CCDC66: variants seen among roughly 807,000 people sequenced by gnomAD.
The protein encoded by CCDC66 is coiled-coil domain-containing protein 66.
CCDC66 carries 133 observed loss-of-function variants against 128.3 expected under a neutral mutation model. The observed-to-expected ratio is 1.04, with a 90% confidence interval of 0.90 to 1.20. The LOEUF is 1.20. Ranked by LOEUF, CCDC66 falls within the 50% of genes most tolerant of loss-of-function variation. The pLI is 0.00. For missense variants in CCDC66, 1,126 were observed against 1,075.5 expected, an observed-to-expected ratio of 1.05 and a Z score of -0.66; for synonymous variants, 387 against 357.0, an observed-to-expected ratio of 1.08 and a Z score of -0.95.
Position 56,617,421 on chromosome 3 carries a change from AG to A in CCDC66, c.2154del (p.Lys718AsnfsTer15). 2 of 1,614,106 alleles carry A rather than the reference AG, an allele frequency of 1.2e-6. No homozygotes were observed. Among genetic ancestry groups the A allele is most frequent in the Non-Finnish European group, 1.7e-6 (2 of 1,179,998 alleles). On this transcript the variant is annotated frameshift_variant, in exon 14 of 18. Coordinates refer to ENST00000394672, the MANE Select transcript of CCDC66 (RefSeq NM_001141947.3). LOFTEE classifies it high-confidence loss of function. Reference protein sequence around the residue: ...PPKRYIPASEKYPKQLQKQRE... With the variant: ...PPKRYIPASEXYPKQLQKQRE... ...AAAAGGTATATTCCAGCATCAGAAAAGTACCCTAAACAGCTTCAAAAGCAGA... is the reference window on the plus strand; with the variant it reads ...AAAAGGTATATTCCAGCATCAGAAAATACCCTAAACAGCTTCAAAAGCAGA...
chr3:56,579,699 T>C lies in CCDC66; in HGVS notation c.936+8397T>C, dbSNP rs1243880488. Among the ~76,000 whole-genome samples the C allele has an allele frequency of 2.0e-5, 3 of 151,906 alleles. 1 individual carries two copies. In the Admixed American group the frequency reaches 2.0e-4, roughly 10 times the overall value. On this transcript the variant is annotated intron_variant, in intron 7 of 17. Coordinates refer to ENST00000394672, the MANE Select transcript of CCDC66 (RefSeq NM_001141947.3). ...GTCATTCAGGAGCAGGTTGATCAGT[T>C]TCCATGTAGTTGAGTGGTTTTGAGT...
Position 56,581,817 on chromosome 3 carries a change from C to A in CCDC66, c.936+10515C>A, listed in dbSNP as rs142619860. Among the ~76,000 whole-genome samples, 134 of 151,858 alleles carry A rather than the reference C, an allele frequency of 8.8e-4. 2 individuals are homozygous for A. Among genetic ancestry groups the A allele is most frequent in the African/African-American group, 3.2e-3 (131 of 41,496 alleles). ...GCACCCAGCTTTATGAGGTGACAGT[C>A]GGCCCCTACTGGGAGGTGTCTCCCA... On this transcript the variant is annotated intron_variant, in intron 7 of 17. Transcript: ENST00000394672.
intron 7 of CCDC66, among the ~76,000 whole-genome samples, chr3:56,589,256 A>C (rs1207221805): frequency 6.6e-6 from 1 of 152,212 alleles, no homozygotes; most frequent in Non-Finnish European, 1.5e-5. Flanking sequence ...AAGAAGCAGT[A>C]AATCAGAATG....
chr3:56,590,190 A>G (rs2070619719), intron 7 of CCDC66, among the ~76,000 whole-genome samples: 1 of 152,208 alleles, frequency 6.6e-6, no homozygotes, highest in Non-Finnish European at 1.5e-5. Context: ...GGCCCATGGC[A>G]AAGTCAACAC....
At chr3:56,562,763 C>T (rs115419125) in intron 3 of CCDC66, among the ~76,000 whole-genome samples, 73 of 151,622 alleles carry the variant, frequency 4.8e-4, no homozygotes, top group African/African-American at 1.7e-3. Context: ...CTCAGCCCCT[C>T]GAGTAGCTGG....
At chr3:56,586,472 A>G (rs2069751435) in intron 7 of CCDC66, among the ~76,000 whole-genome samples, 1 of 151,594 alleles carries the variant, frequency 6.6e-6, no homozygotes, top group Admixed American at 6.7e-5. Context: ...CAAAGGTTAC[A>G]GTGAGCTGAG....
chr3:56,572,271 C>A, intron 7 of CCDC66: 1 of 904,698 alleles, frequency 1.1e-6, no homozygotes, highest in Non-Finnish European at 1.6e-6. Context: ...TAAATTTTAT[C>A]TGTGGTTAAT....
intron 7 of CCDC66, among the ~76,000 whole-genome samples, chr3:56,574,136 G>T (rs897758246): frequency 6.6e-6 from 1 of 151,570 alleles, no homozygotes; most frequent in Non-Finnish European, 1.5e-5. Flanking sequence ...GGCCGAGGTG[G>T]GCGGATCACG....
chr3:56,597,658 T>C (rs981966283), intron 10 of CCDC66, among the ~76,000 whole-genome samples: 3 of 151,996 alleles, frequency 2.0e-5, no homozygotes, highest in African/African-American at 4.8e-5. Flanking sequence ...GCCTTCTTTA[T>C]TTCTCAGCTA....
At chr3:56,572,231 G>C (rs2066733283) in intron 7 of CCDC66, 1 of 513,644 alleles carries the variant, frequency 1.9e-6, no homozygotes, top group African/African-American at 2.0e-5. Context: ...CATATGCCAA[G>C]TGTGTCTTGT....
chr3:56,620,850 C>G (rs1443340602), intron 17 of CCDC66: 1 of 152,334 alleles, frequency 6.6e-6, no homozygotes, highest in Non-Finnish European at 1.5e-5. Context: ...TTAGGACAGT[C>G]AAGATAAAAT....
chr3:56,613,750 A>G lies in CCDC66; in HGVS notation c.1566A>G (p.Glu522=). 1.9e-6 allele frequency: 3 copies of G among 1,603,828 alleles called. No homozygotes were observed. Among genetic ancestry groups the G allele is most frequent in the Non-Finnish European group, 2.6e-6 (3 of 1,175,844 alleles). The change falls in exon 11 of 18, where the codon GAA becomes GAG. Residue 522 remains glutamate (E), a splice_region_variant and synonymous_variant. Coordinates refer to ENST00000394672, the MANE Select transcript of CCDC66 (RefSeq NM_001141947.3). The part of the protein sequence containing the change: ...EEDILKQKQK[E]EIMTLKTNEL... ...ACATACTTAAGCAAAAACAAAAGGA[A>G]GTAGGTACTTACATTCTAATTGTAA...
chr3:56,575,054 A>G (rs1251966805), intron 7 of CCDC66, among the ~76,000 whole-genome samples: 1 of 151,782 alleles, frequency 6.6e-6, no homozygotes, highest in African/African-American at 2.4e-5. Flanking sequence ...TTGGGTGTGT[A>G]CTCAGAATTG....
chr3:56,557,291 A>G, intron 1 of CCDC66, 38 bp downstream of exon 1: 1 of 415,068 alleles, frequency 2.4e-6, no homozygotes, highest in Non-Finnish European at 4.1e-6. Context: ...GGGGTAAGCA[A>G]GGTGGTCGTC....
intron 10 of CCDC66, among the ~76,000 whole-genome samples, chr3:56,601,346 A>C (rs1395257699): frequency 6.6e-6 from 1 of 152,004 alleles, no homozygotes; most frequent in African/African-American, 2.4e-5. Flanking sequence ...CTGTTTTGGT[A>C]CCAGTACCAT....
chr3:56,577,551 T>C (rs1401258151), intron 7 of CCDC66, among the ~76,000 whole-genome samples: 1 of 151,878 alleles, frequency 6.6e-6, no homozygotes, highest in African/African-American at 2.4e-5. Context: ...TTTTAGGTCT[T>C]AGGTTTAAGT....
At chr3:56,591,864 G>C (rs1376926771) in intron 7 of CCDC66, among the ~76,000 whole-genome samples, 3 of 152,186 alleles carry the variant, frequency 2.0e-5, no homozygotes, top group Non-Finnish European at 4.4e-5. Flanking sequence ...GTAACATTGT[G>C]AGGTATATCG....
At chr3:56,620,404 T>C (rs1283701655) in intron 17 of CCDC66, 4 of 153,282 alleles carry the variant, frequency 2.6e-5, no homozygotes, top group Non-Finnish European at 5.8e-5. Flanking sequence ...GCTCTCTGAT[T>C]AAAACAAACA....
At chr3:56,569,365 C>A in intron 6 of CCDC66, 2 of 337,908 alleles carry the variant, frequency 5.9e-6, no homozygotes, top group Non-Finnish European at 1.2e-5. Flanking sequence ...TCTGGTGAGG[C>A]CTCAGGAAGC....
Sources: allele counts gnomAD v4.1 joint callset (sites outside exome capture counted in the v4.1 genomes callset), GRCh38; gene constraint gnomAD v4.1.1; transcripts MANE v1.5; gene names NCBI Gene and HGNC (gene_info 2026-07-23, HGNC 2026-07-21).